USP53: variants seen among roughly 807,000 people sequenced by gnomAD.
USP53 encodes the protein ubiquitin carboxyl-terminal hydrolase 53.
A neutral mutation model predicts 94.9 loss-of-function variants in USP53; 71 were observed. The observed-to-expected ratio is 0.75, with a 90% CI of 0.62 to 0.91. The LOEUF (loss-of-function observed/expected upper bound fraction) is 0.91. USP53 is among the 40% of genes least tolerant of loss of function. The pLI is 0.00. For synonymous variants in USP53, 375 were observed against 422.7 expected (o/e 0.89, Z 1.39); for missense variants, 1,173 against 1,281.0 (o/e 0.92, Z 1.29).
intron 9 of USP53, 134 bp from the exon 10 acceptor site, chr4:119,259,685 TG>T: frequency 1.7e-6 from 1 of 575,950 alleles, no homozygotes; most frequent in Admixed American, 3.6e-5. Flanking sequence ...ATGTACTTTA[TG>T]GTTAATTTTT....
At chr4:119,254,673 C>T (rs1192781456) in intron 7 of USP53, among the ~76,000 whole-genome samples, 1 of 152,106 alleles carries the variant, frequency 6.6e-6, no homozygotes, top group East Asian at 1.9e-4. Context: ...GAACATGCTC[C>T]TTTAGCTCGG....
Position 119,291,230 on chromosome 4 carries a change from C to T in USP53, c.2317C>T (p.His773Tyr). 1 of 1,421,382 alleles carries T rather than the reference C, an allele frequency of 7.0e-7. No homozygotes were observed. Among genetic ancestry groups the T allele is most frequent in the Non-Finnish European group, 9.4e-7 (1 of 1,062,726 alleles). 88.0% of individuals were successfully genotyped at this position (1,421,382 alleles called of 1,614,324 possible). A position where few individuals can be genotyped will look rare whatever the true frequency, so the allele number is the denominator to read the frequency against. Residue 773 changes from histidine to tyrosine, a missense_variant, in exon 18 of 19, where the codon CAT (histidine) becomes TAT (tyrosine). Coordinates refer to ENST00000692078, the MANE Select transcript of USP53 (RefSeq NM_001371395.1). ...YKSHEFHPES[H>Y]LQIKNHLIKR... ...ATCTCATGAATTCCACCCAGAATCACATTTACAAATAAAAAATCATTTGAT... is the reference window on the plus strand; with the variant it reads ...ATCTCATGAATTCCACCCAGAATCATATTTACAAATAAAAAATCATTTGAT...
intron 7 of USP53, among the ~76,000 whole-genome samples, chr4:119,250,068 A>T (rs1020958367): frequency 2.6e-5 from 4 of 152,028 alleles, no homozygotes; most frequent in Non-Finnish European, 5.9e-5. Context: ...TTTTATTCTG[A>T]TATTTAAGGC....
chr4:119,213,641 G>GATATATATATATATATATATAT lies in USP53; in HGVS notation c.-941-409_-941-408insATATATATATATATATATATAT, dbSNP rs141285286. Among the ~76,000 whole-genome samples the GATATATATATATATATATATAT allele has an allele frequency of 1.1e-3, 119 of 108,060 alleles. 1 individual carries two copies. Among genetic ancestry groups the GATATATATATATATATATATAT allele is most frequent in the African/African-American group, 3.9e-3 (93 of 23,664 alleles). 70.9% of individuals were successfully genotyped at this position (108,060 alleles called of 152,430 possible). ...CCGAAAGTTTCCTTATCTGGAAATAGATATATATATATATATATATGTGTG... is the reference window on the plus strand; with the variant it reads ...CCGAAAGTTTCCTTATCTGGAAATAGATATATATATATATATATATATATATATATATATATATATATGTGTG... On this transcript the variant is annotated intron_variant, in intron 1 of 18. Transcript: ENST00000692078.
At chr4:119,264,220 C>T (rs904147897) in intron 12 of USP53, among the ~76,000 whole-genome samples, 1 of 152,088 alleles carries the variant, frequency 6.6e-6, no homozygotes, top group African/African-American at 2.4e-5. Flanking sequence ...ACCAAATATT[C>T]AAAGAACCTG....
chr4:119,274,941 GTTGT>G (rs1288657515), intron 17 of USP53, among the ~76,000 whole-genome samples: 150 of 66,052 alleles, frequency 2.3e-3, no homozygotes, highest in Middle Eastern at 5.4e-3. Flanking sequence ...TTTTGATGGG[GTTGT>G]TTGTTTTTTT....
intron 5 of USP53, 26 bp downstream of exon 5, chr4:119,239,929 TA>T (rs201043574): frequency 2.0e-4 from 276 of 1,394,496 alleles, no homozygotes; most frequent in South Asian, 4.4e-4. Context: ...CTTATTACAT[TA>T]AAAAAAATAC....
intron 3 of USP53, among the ~76,000 whole-genome samples, chr4:119,228,685 T>G (rs530134207): frequency 2.0e-5 from 3 of 152,110 alleles, no homozygotes; most frequent in Non-Finnish European, 4.4e-5. Context: ...AATGGTTACA[T>G]GACTGTAGGT....
Position 119,271,979 on chromosome 4 carries a change from G to T in USP53, c.2119G>T (p.Asp707Tyr), listed in dbSNP as rs368532462. 1 of 1,613,094 alleles carries T rather than the reference G, an allele frequency of 6.2e-7. No individual in the cohort carries two copies. Among genetic ancestry groups the T allele is most frequent in the Non-Finnish European group, 8.5e-7 (1 of 1,179,700 alleles). ...TACTAATTTGGACTCACCTGTTATC[G>T]ATGGAAATGGTACAGTAATGGATAT... The part of the protein sequence containing the change: ...GSTNLDSPVI[D>Y]GNGTVMDISG... The change falls in exon 16 of 19, where the codon GAT becomes TAT. Residue 707 changes from aspartate (D) to tyrosine (Y), a missense_variant. Coordinates refer to ENST00000692078, the MANE Select transcript of USP53 (RefSeq NM_001371395.1).
chr4:119,231,982 G>A (rs923368415), intron 3 of USP53, among the ~76,000 whole-genome samples: 4 of 152,136 alleles, frequency 2.6e-5, no homozygotes, highest in Non-Finnish European at 5.9e-5. Flanking sequence ...TAGGTGCAGT[G>A]ACCCACTCTT....
intron 4 of USP53, among the ~76,000 whole-genome samples, chr4:119,236,735 T>C (rs1453921133): frequency 5.3e-5 from 8 of 152,244 alleles, no homozygotes; most frequent in African/African-American, 1.9e-4. Flanking sequence ...ATAATTTTAG[T>C]TCTCTTGCTG....
intron 3 of USP53, among the ~76,000 whole-genome samples, chr4:119,231,060 A>G (rs532831839): frequency 1.2e-4 from 19 of 152,312 alleles, no homozygotes; most frequent in Non-Finnish European, 2.4e-4. Context: ...GGTGGTAACT[A>G]GGAAGCAGTT....
Position 119,271,905 on chromosome 4 carries a change from A to G in USP53, c.2045A>G (p.Gln682Arg). ...GTGCATGGTGATAATTGGCAGATGC[A>G]AAGGACTGAGTCTGGATATGAAAGC... ...GKVHGDNWQM[Q>R]RTESGYESSD... is the part of the protein sequence containing the mutation. The change falls in exon 16 of 19, where the codon CAA becomes CGA. Residue 682 changes from glutamine to arginine, a missense_variant. Physicochemically the swap from Gln to Arg is conservative, Grantham distance 43. Coordinates refer to ENST00000692078, the MANE Select transcript of USP53 (RefSeq NM_001371395.1). The G allele has an allele frequency of 6.2e-7, 1 of 1,614,202 alleles. No homozygotes were observed. The highest frequency in any genetic ancestry group is 1.7e-5 in the Admixed American group (1 of 60,022).
At chr4:119,224,645 ACT>A (rs1049113965) in intron 3 of USP53, among the ~76,000 whole-genome samples, 3 of 152,304 alleles carry the variant, frequency 2.0e-5, no homozygotes, top group African/African-American at 7.2e-5. Flanking sequence ...CAGAGAGGAA[ACT>A]CTGGCAATCT....
intron 9 of USP53, among the ~76,000 whole-genome samples, chr4:119,257,828 A>T (rs1177324690): frequency 6.6e-6 from 1 of 152,186 alleles, no homozygotes; most frequent in Non-Finnish European, 1.5e-5. Context: ...TTAAATTTCT[A>T]TGAAAAGTAG....
At chr4:119,259,699 G>T in intron 9 of USP53, 121 bp from the exon 10 acceptor site, 2 of 609,074 alleles carry the variant, frequency 3.3e-6, no homozygotes, top group South Asian at 3.2e-5. Flanking sequence ...TAATTTTTCA[G>T]TCATGGTCAT....
chr4:119,218,024 A>C (rs1163189578), intron 3 of USP53: 1 of 152,216 alleles, frequency 6.6e-6, no homozygotes, highest in Non-Finnish European at 1.5e-5. Flanking sequence ...GTTACTGTGT[A>C]AAGGGTAGAA....
intron 4 of USP53, among the ~76,000 whole-genome samples, chr4:119,236,133 G>T (rs1746709415): frequency 6.6e-6 from 1 of 152,164 alleles, no homozygotes; most frequent in Non-Finnish European, 1.5e-5. Context: ...TTTGATTCCA[G>T]ACCACTGCAA....
intron 13 of USP53, 88 bp from the exon 14 acceptor site, chr4:119,268,173 CAAAAAAA>C: frequency 3.5e-6 from 3 of 861,842 alleles, no homozygotes; most frequent in East Asian, 4.1e-5. Context: ...GACTCCGTCT[CAAAAAAA>C]AAAAAAAAAA....
Sources: gnomAD v4.1 joint callset for allele counts (sites outside exome capture counted in the v4.1 genomes callset) on GRCh38, gnomAD v4.1.1 for gene constraint, MANE v1.5 for transcripts, NCBI Gene and HGNC (gene_info 2026-07-23, HGNC 2026-07-21) for gene names.